Variants in HS3ST4 observed in about 807,000 individuals in gnomAD.
The protein encoded by HS3ST4 is heparan sulfate glucosamine 3-O-sulfotransferase 4.
A neutral mutation model predicts 29.2 loss-of-function variants in HS3ST4; 17 were observed. That is an observed-to-expected ratio of 0.58 (90% CI 0.40 to 0.87). The LOEUF (loss-of-function observed/expected upper bound fraction) is 0.87, where lower values mean the gene tolerates loss of function less well. Ranked by LOEUF, HS3ST4 falls within the 40% of genes least tolerant of loss-of-function variation. The pLI, the probability that HS3ST4 is intolerant of heterozygous loss-of-function variation, is 0.00. For synonymous variants in HS3ST4, 314 were observed against 285.7 expected, an observed-to-expected ratio of 1.10 and a Z score of -1.00; for missense variants, 627 against 634.5, an observed-to-expected ratio of 0.99 and a Z score of 0.13.
rs145436557 is a variant in HS3ST4 at position 25,842,171 on chromosome 16, CT to C, written c.734+149024del. On this transcript the variant is annotated intron_variant, in intron 1 of 1. Coordinates refer to ENST00000331351, the MANE Select transcript of HS3ST4 (RefSeq NM_006040.3). The stretch of plus-strand genomic sequence containing the variant: ...AGAGAAGTGGCTCAGTTGAGGTTGC[CT>C]TTTGTTGAAGAAAAGGTCACCTTAA... 4.1e-3 allele frequency among the ~76,000 whole-genome samples: 617 copies of C among 152,294 alleles called. 3 individuals carry two copies. The highest frequency in any genetic ancestry group is 0.014 in the African/African-American group (581 of 41,562).
At chr16:25,757,953 G>A (rs958363233) in intron 1 of HS3ST4, among the ~76,000 whole-genome samples, 5 of 152,090 alleles carry the variant, frequency 3.3e-5, no homozygotes, top group Non-Finnish European at 7.3e-5. Context: ...CTTTAGTTCT[G>A]TAGAGAGATG....
At chr16:26,047,203 T>C (rs1271616446) in intron 1 of HS3ST4, among the ~76,000 whole-genome samples, 1 of 152,174 alleles carries the variant, frequency 6.6e-6, no homozygotes. Context: ...TCTTGCATGA[T>C]GGGGAAGGCT....
chr16:25,909,856 G>C (rs1240714274), intron 1 of HS3ST4, among the ~76,000 whole-genome samples: 1 of 152,088 alleles, frequency 6.6e-6, no homozygotes, highest in African/African-American at 2.4e-5. Flanking sequence ...ATTATTTTTT[G>C]TTTGTTAGTT....
At chr16:26,127,141 A>T (rs1446561715) in intron 1 of HS3ST4, among the ~76,000 whole-genome samples, 1 of 152,126 alleles carries the variant, frequency 6.6e-6, no homozygotes, top group Admixed American at 6.5e-5. Context: ...AATTGTTAAT[A>T]TATCATCCAT....
At chr16:25,912,570 C>T (rs933128373) in intron 1 of HS3ST4, among the ~76,000 whole-genome samples, 4 of 152,188 alleles carry the variant, frequency 2.6e-5, no homozygotes, top group Non-Finnish European at 5.9e-5. Flanking sequence ...CTCCCCAGAA[C>T]ATCAGCCCCA....
chr16:26,078,199 G>T (rs1303848915), intron 1 of HS3ST4, among the ~76,000 whole-genome samples: 2 of 152,120 alleles, frequency 1.3e-5, no homozygotes, highest in African/African-American at 4.8e-5. Context: ...GGAGTGCAGT[G>T]GCATGATCTC....
intron 1 of HS3ST4, among the ~76,000 whole-genome samples, chr16:26,131,972 G>T (rs1596692999): frequency 6.6e-6 from 1 of 152,138 alleles, no homozygotes; most frequent in Non-Finnish European, 1.5e-5. Context: ...TACATACTTA[G>T]TGAGACCTTG....
At chr16:26,120,941 C>T (rs114455267) in intron 1 of HS3ST4, among the ~76,000 whole-genome samples, 16 of 152,302 alleles carry the variant, frequency 1.1e-4, no homozygotes, top group African/African-American at 3.6e-4. Flanking sequence ...TGTGTAATAG[C>T]GACAATAATT....
rs184248540 is a variant in HS3ST4 at position 25,888,024 on chromosome 16, C to A, written c.734+194873C>A. Reference sequence around the variant, plus strand: ...CTACACTTGATTTGGGGTGTGTATCCAGTTTCCCATCAATCATGTGACATC... The same window carrying A: ...CTACACTTGATTTGGGGTGTGTATCAAGTTTCCCATCAATCATGTGACATC... On this transcript the variant is annotated intron_variant, in intron 1 of 1. Coordinates refer to ENST00000331351, the MANE Select transcript of HS3ST4 (RefSeq NM_006040.3). Among the ~76,000 whole-genome samples, 463 of 152,214 alleles carry A rather than the reference C, an allele frequency of 3.0e-3. 2 individuals carry two copies. Among genetic ancestry groups the A allele is most frequent in the South Asian group, 0.011 (51 of 4,818 alleles).
intron 1 of HS3ST4, among the ~76,000 whole-genome samples, chr16:26,116,662 A>G (rs1006779618): frequency 3.3e-5 from 5 of 152,210 alleles, no homozygotes; most frequent in African/African-American, 1.2e-4. Flanking sequence ...ATATCAGGAT[A>G]TGCTAATCAT....
intron 1 of HS3ST4, among the ~76,000 whole-genome samples, chr16:25,912,904 T>G (rs909057219): frequency 3.9e-5 from 6 of 152,154 alleles, no homozygotes; most frequent in African/African-American, 9.7e-5. Flanking sequence ...TTGGTGCCAG[T>G]GATAGAAAGA....
chr16:25,731,838 T>C (rs1245703452), intron 1 of HS3ST4, among the ~76,000 whole-genome samples: 1 of 152,208 alleles, frequency 6.6e-6, no homozygotes, highest in Non-Finnish European at 1.5e-5. Flanking sequence ...AAAATAAAGA[T>C]GCTTCATTAG....
intron 1 of HS3ST4, among the ~76,000 whole-genome samples, chr16:26,128,036 T>C (rs1419726627): frequency 6.6e-6 from 1 of 152,164 alleles, no homozygotes; most frequent in Non-Finnish European, 1.5e-5. Context: ...TTCCTCCTTA[T>C]TTTACCTTCT....
chr16:25,898,195 A>G (rs1955522197), intron 1 of HS3ST4, among the ~76,000 whole-genome samples: 1 of 152,164 alleles, frequency 6.6e-6, no homozygotes, highest in Non-Finnish European at 1.5e-5. Context: ...CTCTTGACTC[A>G]CCACCTGTGT....
In HS3ST4 at chr16:25,871,043, G is replaced by A. The variant is rs568052657; in HGVS notation, c.734+177892G>A. Among the ~76,000 whole-genome samples, 12 of 152,270 alleles carry A rather than the reference G, an allele frequency of 7.9e-5. No homozygotes were observed. In the East Asian group the frequency reaches 1.9e-3, roughly 24 times the overall value. On this transcript the variant is annotated intron_variant, in intron 1 of 1. Coordinates refer to ENST00000331351, the MANE Select transcript of HS3ST4 (RefSeq NM_006040.3). ...CAAATCACATGGGTAGAATACATTGGGTAGAATACATTGCCCAAGAGTATG... is the reference window on the plus strand; with the variant it reads ...CAAATCACATGGGTAGAATACATTGAGTAGAATACATTGCCCAAGAGTATG...
intron 1 of HS3ST4, among the ~76,000 whole-genome samples, chr16:25,903,329 G>GTATATGTATATATTATATACATA (rs1968139965): frequency 7.6e-6 from 1 of 132,380 alleles, no homozygotes; most frequent in African/African-American, 2.9e-5. Context: ...TTATATATAT[G>GTATATGTATATATTATATACATA]TATATGTATA....
intron 1 of HS3ST4, among the ~76,000 whole-genome samples, chr16:26,054,247 G>A (rs906075403): frequency 1.4e-4 from 19 of 139,188 alleles, no homozygotes; most frequent in African/African-American, 5.2e-4. Context: ...TCCATGAGAA[G>A]GAGAGAGAGA....
intron 1 of HS3ST4, among the ~76,000 whole-genome samples, chr16:25,780,287 A>G (rs1966851505): frequency 6.6e-6 from 1 of 152,150 alleles, no homozygotes; most frequent in Non-Finnish European, 1.5e-5. Flanking sequence ...TAATGGTCCC[A>G]TTTGACATTT....
At chr16:25,956,670 C>T (rs1413078178) in intron 1 of HS3ST4, among the ~76,000 whole-genome samples, 1 of 152,062 alleles carries the variant, frequency 6.6e-6, no homozygotes, top group Non-Finnish European at 1.5e-5. Flanking sequence ...AATAAATTCT[C>T]AGCTGGGGAA....
Sources: allele counts gnomAD v4.1 joint callset (sites outside exome capture counted in the v4.1 genomes callset), GRCh38; gene constraint gnomAD v4.1.1; transcripts MANE v1.5; gene names NCBI Gene and HGNC (gene_info 2026-07-23, HGNC 2026-07-21).